The following ASB4 variants were observed in gnomAD, a reference collection of about 807,000 sequenced individuals.
The protein encoded by ASB4 is ankyrin repeat and SOCS box containing 4, also known as ankyrin repeat and SOCS box protein 4.
A neutral mutation model predicts 38.6 loss-of-function variants in ASB4; 35 were observed. The observed-to-expected ratio is 0.91, with a 90% CI of 0.69 to 1.20. ASB4 has a LOEUF of 1.20. Among genes scored for constraint, ASB4 ranks in the 50% most tolerant of loss-of-function variants. ASB4 has a pLI of 0.00. For synonymous variants in ASB4, 195 were observed against 201.3 expected (o/e 0.97, Z 0.26); for missense variants, 557 against 527.2 (o/e 1.06, Z -0.55).
At chr7:95,547,903 A>G in the ASB4 span, among the ~76,000 whole-genome samples, 1 of 152,212 alleles carries the variant, frequency 6.6e-6, no homozygotes, top group Non-Finnish European at 1.5e-5. Flanking sequence ...GCAGATTTCA[A>G]ACTTGTTAGT....
chr7:95,529,809 C>T (rs1364104718), intron 3 of ASB4, among the ~76,000 whole-genome samples: 2 of 152,002 alleles, frequency 1.3e-5, no homozygotes, highest in Non-Finnish European at 2.9e-5. Flanking sequence ...TTATAATGGA[C>T]TCTGAGGTGG....
intron 2 of ASB4, among the ~76,000 whole-genome samples, chr7:95,501,416 T>C (rs1044770585): frequency 2.6e-5 from 4 of 152,222 alleles, no homozygotes; most frequent in Non-Finnish European, 5.9e-5. Context: ...AAGATGTCAC[T>C]GGCCTTCATT....
rs1351123444 is a variant in ASB4, at chr7:95,538,653, T to TTTTAAGG, written c.*898_*904dup. 6.6e-6 allele frequency: 1 copy of TTTTAAGG among 152,104 alleles called. No individual in the cohort carries two copies. Among genetic ancestry groups the TTTTAAGG allele is most frequent in the Non-Finnish European group, 1.5e-5 (1 of 68,034 alleles). 9.4% of individuals were successfully genotyped at this position (152,104 alleles called of 1,614,324 possible). ...GGATCTCCTGCTCTTGTTAGGGTAT[T>TTTTAAGG]TTTAAGGTTTTTTCTAGATAGTGTG... On this transcript the variant is annotated 3_prime_UTR_variant, in exon 5 of 5. Coordinates refer to ENST00000325885, the MANE Select transcript of ASB4 (RefSeq NM_016116.3).
intron 4 of ASB4, among the ~76,000 whole-genome samples, chr7:95,536,870 A>G (rs571682985): frequency 6.6e-6 from 1 of 152,318 alleles, no homozygotes; most frequent in African/African-American, 2.4e-5. Context: ...TAGCATTTTT[A>G]CCAGAATATT....
chr7:95,486,107 A>T lies in ASB4; in HGVS notation c.136A>T (p.Thr46Ser). The change falls in exon 1 of 5, where the codon ACT becomes TCT. Residue 46 changes from threonine to serine, a missense_variant. By Grantham distance (58) the Thr-to-Ser change is moderately conservative (BLOSUM62 1). Transcript: ENST00000325885. Reference protein sequence around the residue: ...ILIQRQIDVDTVFEVEDENMV... With the variant: ...ILIQRQIDVDSVFEVEDENMV... ...GATCCAAAGGCAAATAGATGTGGAC[A>T]CTGTTTTTGAAGTCGAAGATGAGAA... 1.2e-6 allele frequency: 2 copies of T among 1,614,120 alleles called. No individual in the cohort carries two copies. The highest frequency in any genetic ancestry group is 1.7e-6 in the Non-Finnish European group (2 of 1,179,976).
intron 2 of ASB4, among the ~76,000 whole-genome samples, chr7:95,515,309 C>CT (rs1562817320): frequency 1.7e-5 from 2 of 116,268 alleles, no homozygotes; most frequent in Non-Finnish European, 3.6e-5. Flanking sequence ...TTCTTTCTTT[C>CT]TTTCTTTCTT....
intron 2 of ASB4, among the ~76,000 whole-genome samples, chr7:95,515,195 TTC>T (rs554266825): frequency 3.4e-4 from 43 of 127,452 alleles, no homozygotes; most frequent in African/African-American, 1.3e-3. Flanking sequence ...CTTTCTTTCT[TTC>T]TTTCTTTCTT....
At chr7:95,511,901 A>G (rs1426063618) in intron 2 of ASB4, among the ~76,000 whole-genome samples, 1 of 152,072 alleles carries the variant, frequency 6.6e-6, no homozygotes, top group Non-Finnish European at 1.5e-5. Context: ...TCCCTTTGCT[A>G]CTTTAGAGTC....
upstream of ASB4, among the ~76,000 whole-genome samples, chr7:95,481,505 A>G (rs1790021257): frequency 6.6e-6 from 1 of 152,202 alleles, no homozygotes; most frequent in South Asian, 2.1e-4. Flanking sequence ...TGAGAAAGTC[A>G]GGAGGCCCAA....
intron 2 of ASB4, among the ~76,000 whole-genome samples, chr7:95,525,786 G>A (rs759785860): frequency 1.8e-4 from 28 of 152,180 alleles, no homozygotes; most frequent in Non-Finnish European, 1.5e-5. Flanking sequence ...CTCTAGGGCA[G>A]AATACTGATA....
intron 1 of ASB4, among the ~76,000 whole-genome samples, chr7:95,479,950 A>G (rs1322909229): frequency 6.6e-6 from 1 of 152,174 alleles, no homozygotes; most frequent in Non-Finnish European, 1.5e-5. Flanking sequence ...CCCATGGCCT[A>G]GAAATCTCTT....
At chr7:95,493,301 G>A (rs1330698254) in intron 1 of ASB4, among the ~76,000 whole-genome samples, 2 of 152,020 alleles carry the variant, frequency 1.3e-5, no homozygotes, top group African/African-American at 4.8e-5. Flanking sequence ...AAAGGGAAAG[G>A]TGGGAGAGAG....
At chr7:95,533,174 C>T (rs963717454) in intron 3 of ASB4, among the ~76,000 whole-genome samples, 1 of 152,108 alleles carries the variant, frequency 6.6e-6, no homozygotes, top group Non-Finnish European at 1.5e-5. Context: ...CTCTGTCTGC[C>T]AGGGAGAGGC....
intron 2 of ASB4, among the ~76,000 whole-genome samples, chr7:95,513,440 T>C (rs1790513275): frequency 6.6e-6 from 1 of 151,702 alleles, no homozygotes; most frequent in Admixed American, 6.6e-5. Flanking sequence ...ACCTAGGGAA[T>C]AGATACAGTC....
rs756746073 is a variant in ASB4, at chr7:95,495,387, AT to A, written c.188-370del. ...CAATGATTGAAAGTTTTTTAAAAAAATATCCTTGAAGCATCTCAAATAACTC... is the reference window on the plus strand; with the variant it reads ...CAATGATTGAAAGTTTTTTAAAAAAAATCCTTGAAGCATCTCAAATAACTC... On this transcript the variant is annotated intron_variant, in intron 1 of 4. Transcript: ENST00000325885. Among the ~76,000 whole-genome samples the A allele has an allele frequency of 1.6e-4, 25 of 152,324 alleles. 2 individuals are homozygous for A. The South Asian group carries it at 3.5e-3, about 21-fold the overall frequency.
chr7:95,548,790 T>G, the ASB4 span, among the ~76,000 whole-genome samples: 2 of 152,268 alleles, frequency 1.3e-5, no homozygotes, highest in African/African-American at 4.8e-5. Flanking sequence ...ATTCATTTTT[T>G]AACTCTTATT....
chr7:95,487,225 A>T (rs188652881), intron 1 of ASB4, among the ~76,000 whole-genome samples: 1 of 152,226 alleles, frequency 6.6e-6, no homozygotes, highest in East Asian at 1.9e-4. Context: ...TATGTTTATG[A>T]TTTTTACTCA....
Position 95,504,130 on chromosome 7 carries a change from A to G in ASB4, c.487+8073A>G, listed in dbSNP as rs533998147. Among the ~76,000 whole-genome samples the G allele has an allele frequency of 2.0e-5, 3 of 152,312 alleles. No homozygotes were observed. In the South Asian group the frequency reaches 6.2e-4, roughly 32 times the overall value. On this transcript the variant is annotated intron_variant, in intron 2 of 4. Coordinates refer to ENST00000325885, the MANE Select transcript of ASB4 (RefSeq NM_016116.3). The stretch of plus-strand genomic sequence containing the variant: ...CAGGTTTAGGTGGCTGCTAAGCAGC[A>G]TATTATTTCTACCTATTCCATTCGT...
At chr7:95,545,592 T>C in the ASB4 span, among the ~76,000 whole-genome samples, 1 of 152,198 alleles carries the variant, frequency 6.6e-6, no homozygotes. Context: ...TTGTTTCTTG[T>C]TCTCATTCCT....
Sources: gnomAD v4.1 joint callset for allele counts (sites outside exome capture counted in the v4.1 genomes callset) on GRCh38, gnomAD v4.1.1 for gene constraint, MANE v1.5 for transcripts, NCBI Gene and HGNC (gene_info 2026-07-23, HGNC 2026-07-21) for gene names.